CLDN14: variants seen among roughly 807,000 people sequenced by gnomAD.
CLDN14 encodes claudin 14, also known as claudin-14.
Under a neutral mutation model 2.1 loss-of-function variants are expected in CLDN14, and 2 were observed. That is an observed-to-expected ratio of 0.96 (90% CI 0.39 to 3.01). The LOEUF is 3.01. Ranked by LOEUF, CLDN14 falls within the 30% of genes most tolerant of loss-of-function variation. The pLI is 0.09. For missense variants in CLDN14, 298 were observed against 328.0 expected (o/e 0.91, Z 0.71); for synonymous variants, 136 against 154.4 (o/e 0.88, Z 0.88).
At chr21:36,546,595 C>A (rs2087527281) in intron 1 of CLDN14, among the ~76,000 whole-genome samples, 1 of 152,160 alleles carries the variant, frequency 6.6e-6, no homozygotes, top group African/African-American at 2.4e-5. Flanking sequence ...TCCTCAAGCA[C>A]TTACCTTTTT....
intron 2 of CLDN14, chr21:36,486,271 G>GTCACACT (rs773499360): frequency 7.3e-6 from 6 of 819,708 alleles, no homozygotes; most frequent in Non-Finnish European, 1.3e-5. Flanking sequence ...CTCTTCCTTA[G>GTCACACT]GTCAGGAAGT....
chr21:36,556,694 GCTGT>G (rs1274178820), intron 1 of CLDN14, among the ~76,000 whole-genome samples: 1 of 152,228 alleles, frequency 6.6e-6, no homozygotes, highest in African/African-American at 2.4e-5. Context: ...CGTGTCCACA[GCTGT>G]CTTCTTGAAA....
intron 1 of CLDN14, among the ~76,000 whole-genome samples, chr21:36,574,880 C>T (rs2087731090): frequency 6.6e-6 from 1 of 152,090 alleles, no homozygotes; most frequent in Admixed American, 6.5e-5. Flanking sequence ...CCATGAAAGT[C>T]CTTAAAGCTA....
chr21:36,474,351 G>A (rs562160834), intron 1 of CLDN14, among the ~76,000 whole-genome samples: 1 of 152,270 alleles, frequency 6.6e-6, no homozygotes, highest in East Asian at 1.9e-4. Flanking sequence ...TACCTGCAAA[G>A]GACATTTATC....
At chr21:36,500,196 G>A (rs955585869) in intron 2 of CLDN14, among the ~76,000 whole-genome samples, 7 of 152,036 alleles carry the variant, frequency 4.6e-5, no homozygotes, top group South Asian at 2.1e-4. Context: ...ATCAGGGAGC[G>A]GGCAAGGAAG....
chr21:36,522,469 C>A (rs1046134605), intron 1 of CLDN14, among the ~76,000 whole-genome samples: 1 of 152,204 alleles, frequency 6.6e-6, no homozygotes, highest in Non-Finnish European at 1.5e-5. Context: ...GCAAAGCCTG[C>A]GTGCCCAGCA....
At chr21:36,488,718 G>A (rs941682555) in intron 2 of CLDN14, among the ~76,000 whole-genome samples, 7 of 152,140 alleles carry the variant, frequency 4.6e-5, no homozygotes, top group South Asian at 2.1e-4. Context: ...AGAAAGCTCC[G>A]GAGAGGGATG....
chr21:36,521,189 C>T (rs1182300646), intron 1 of CLDN14, among the ~76,000 whole-genome samples: 2 of 152,198 alleles, frequency 1.3e-5, no homozygotes, highest in Non-Finnish European at 2.9e-5. Flanking sequence ...AAAGATCAGC[C>T]TCTTCCTAAA....
chr21:36,462,427 C>G (rs953854565), intron 1 of CLDN14, among the ~76,000 whole-genome samples: 7 of 152,124 alleles, frequency 4.6e-5, no homozygotes, highest in Non-Finnish European at 1.0e-4. Context: ...ACCTCCGCTC[C>G]CAACACGCTC....
chr21:36,561,960 C>CCCTTGTTTTGCTGCAAAAAAA (rs2087638778), intron 1 of CLDN14, among the ~76,000 whole-genome samples: 1 of 24,704 alleles, frequency 4.0e-5, no homozygotes, highest in Non-Finnish European at 2.0e-4. Context: ...ACTTTCAAGA[C>CCCTTGTTTTGCTGCAAAAAAA]TCTTGTTTTG....
intron 2 of CLDN14, among the ~76,000 whole-genome samples, chr21:36,493,137 G>C (rs1040154672): frequency 1.3e-5 from 2 of 152,124 alleles, no homozygotes; most frequent in African/African-American, 4.8e-5. Flanking sequence ...GCCCGCCCCC[G>C]GGGAGGAGGT....
intron 1 of CLDN14, among the ~76,000 whole-genome samples, chr21:36,553,008 C>T (rs2087573410): frequency 6.6e-6 from 1 of 152,198 alleles, no homozygotes; most frequent in African/African-American, 2.4e-5. Flanking sequence ...ACCCAGGTTT[C>T]CCGCCACCTA....
At position 36,528,368 on chromosome 21, in the gene CLDN14, C is replaced by T. The variant is rs143962372; in HGVS notation, c.-219-17868G>A. Among the ~76,000 whole-genome samples the T allele has an allele frequency of 1.2e-4, 19 of 152,308 alleles. No individual in the cohort carries two copies. In the East Asian group the frequency reaches 2.9e-3, roughly 23 times the overall value. ...CAGATGTGGAAAGTGAGACAGTCCA[C>T]GTCCTACAGCCAGAGCAGGATTCGA... On this transcript the variant is annotated intron_variant, in intron 1 of 2. Coordinates refer to the CLDN14 transcript ENST00000342108.
chr21:36,506,588 C>A lies in CLDN14; in HGVS notation c.-82+3775G>T, dbSNP rs543018993. On this transcript the variant is annotated intron_variant, in intron 2 of 2. Coordinates refer to the CLDN14 transcript ENST00000342108. ...CTGCAGCCTGGGTGAAAGACCAAGA[C>A]TCTGTCTCAAAAAAAAAAAAAAAAG... Among the ~76,000 whole-genome samples, 8 of 143,052 alleles carry A rather than the reference C, an allele frequency of 5.6e-5. No individual in the cohort carries two copies. In the South Asian group the frequency reaches 1.7e-3, roughly 31 times the overall value. The allele number at this position is 143,052 out of a possible 152,430, so 93.8% of individuals were successfully genotyped here. A position where few individuals can be genotyped will look rare whatever the true frequency, so the allele number is the denominator to read the frequency against.
At chr21:36,543,073 C>T (rs970390452) in intron 1 of CLDN14, among the ~76,000 whole-genome samples, 5 of 152,182 alleles carry the variant, frequency 3.3e-5, no homozygotes, top group African/African-American at 1.2e-4. Context: ...GGGTGAAAAT[C>T]CCAGCAGATT....
At chr21:36,525,559 T>C (rs2087319068) in intron 1 of CLDN14, among the ~76,000 whole-genome samples, 1 of 151,950 alleles carries the variant, frequency 6.6e-6, no homozygotes, top group South Asian at 2.1e-4. Context: ...AGAGCCGGCA[T>C]GAGGTCAAAG....
intron 2 of CLDN14, chr21:36,487,177 G>GTT: frequency 4.9e-6 from 1 of 204,244 alleles, no homozygotes; most frequent in Non-Finnish European, 9.8e-6. Flanking sequence ...TAGGGACGGG[G>GTT]TTTTACCATG....
At chr21:36,509,168 C>T (rs1477200031) in intron 2 of CLDN14, among the ~76,000 whole-genome samples, 2 of 152,246 alleles carry the variant, frequency 1.3e-5, no homozygotes, top group African/African-American at 4.8e-5. Context: ...TAGGTTCTGA[C>T]TCTCTTTGGT....
At chr21:36,529,668 T>C (rs1290786044) in intron 1 of CLDN14, among the ~76,000 whole-genome samples, 2 of 152,206 alleles carry the variant, frequency 1.3e-5, no homozygotes, top group East Asian at 1.9e-4. Context: ...TATGGAAATT[T>C]TTCTGTAATA....
Sources: allele counts gnomAD v4.1 joint callset (sites outside exome capture counted in the v4.1 genomes callset), GRCh38; gene constraint gnomAD v4.1.1; transcripts MANE v1.5; gene names NCBI Gene and HGNC (gene_info 2026-07-23, HGNC 2026-07-21).